ITGAX: variants seen among roughly 807,000 people sequenced by gnomAD.
ITGAX encodes the protein integrin alpha-X.
A neutral mutation model predicts 140.2 loss-of-function variants in ITGAX; 99 were observed. That is an observed-to-expected ratio of 0.71 (90% CI 0.60 to 0.83). The LOEUF (loss-of-function observed/expected upper bound fraction) is 0.83. Ranked by LOEUF, ITGAX falls within the 40% of genes least tolerant of loss-of-function variation. The pLI, the probability that ITGAX is intolerant of heterozygous loss-of-function variation, is 0.00. For synonymous variants in ITGAX, 631 were observed against 600.4 expected (o/e 1.05, Z -0.75); for missense variants, 1,444 against 1,482.0 (o/e 0.97, Z 0.42).
intron 9 of ITGAX, chr16:31,361,498 C>A: frequency 1.5e-6 from 1 of 671,080 alleles, no homozygotes; most frequent in Non-Finnish European, 2.7e-6. Flanking sequence ...ACCCAGGAGA[C>A]CCTTCCACCC....
Position 31,382,363 on chromosome 16 carries a change from A to G in ITGAX, c.*456A>G. Reference sequence around the variant, plus strand: ...CGGGTTCAAGTAATTCTGCTGTCTCAGCCTCCTGAGTAGCTGGGACTACAG... The same window carrying G: ...CGGGTTCAAGTAATTCTGCTGTCTCGGCCTCCTGAGTAGCTGGGACTACAG... On this transcript the variant is annotated 3_prime_UTR_variant, in exon 30 of 30. Transcript: ENST00000268296. 2.2e-6 allele frequency: 3 copies of G among 1,392,924 alleles called. No homozygotes were observed. The highest frequency in any genetic ancestry group is 2.9e-6 in the Non-Finnish European group (3 of 1,021,276). 86.3% of individuals were successfully genotyped at this position (1,392,924 alleles called of 1,614,324 possible). A position where few individuals can be genotyped will look rare whatever the true frequency, so the allele number is the denominator to read the frequency against.
At position 31,359,720 on chromosome 16, in the gene ITGAX, G is replaced by T. The variant is rs2080800541; in HGVS notation, c.451G>T (p.Asp151Tyr). Reference sequence around the variant, plus strand: ...CCCAGAGTGCCCAAGACAGGAGCAGGACATTGTGTTCCTGATCGATGGCTC... The same window carrying T: ...CCCAGAGTGCCCAAGACAGGAGCAGTACATTGTGTTCCTGATCGATGGCTC... ...SRQECPRQEQ[D>Y]IVFLIDGSGS... The change falls in exon 6 of 30, where the codon GAC (aspartate) becomes TAC (tyrosine). Residue 151 changes from aspartate to tyrosine, a missense_variant. Coordinates refer to ENST00000268296, the MANE Select transcript of ITGAX (RefSeq NM_000887.5). 6.2e-7 allele frequency: 1 copy of T among 1,614,204 alleles called. No homozygotes were observed. Among genetic ancestry groups the T allele is most frequent in the Non-Finnish European group, 8.5e-7 (1 of 1,180,046 alleles).
intron 14 of ITGAX, among the ~76,000 whole-genome samples, chr16:31,366,589 C>T (rs2080894917): frequency 6.6e-6 from 1 of 152,218 alleles, no homozygotes; most frequent in Admixed American, 6.5e-5. Flanking sequence ...GATCTTGGCT[C>T]ACTGAAACTT....
intron 14 of ITGAX, among the ~76,000 whole-genome samples, chr16:31,370,749 T>C (rs73536402): frequency 6.6e-6 from 1 of 152,190 alleles, no homozygotes; most frequent in Non-Finnish European, 1.5e-5. Flanking sequence ...TATCATTATA[T>C]GAAAGATGAG....
intron 23 of ITGAX, among the ~76,000 whole-genome samples, chr16:31,378,818 CT>C (rs11324230): frequency 0.59 from 80,479 of 137,564 alleles, 23,248 homozygotes; most frequent in East Asian, 0.74. Context: ...GACTCTCTCT[CT>C]TTTTTTTTTT....
chr16:31,363,968 G>A (rs925094769), intron 14 of ITGAX, among the ~76,000 whole-genome samples: 3 of 152,026 alleles, frequency 2.0e-5, no homozygotes, highest in South Asian at 2.1e-4. Context: ...CCTTCCACTC[G>A]CCCCTCTCCT....
chr16:31,375,178 G>T (rs2081008690), intron 20 of ITGAX, among the ~76,000 whole-genome samples: 1 of 152,160 alleles, frequency 6.6e-6, no homozygotes, highest in Non-Finnish European at 1.5e-5. Flanking sequence ...GCCACGCCCA[G>T]CTAAGTTTTG....
Position 31,380,075 on chromosome 16 carries a change from GCTCTGGGCTGGCCCTCA to G in ITGAX, c.3060+13_3060+29del, listed in dbSNP as rs2081054459. ...GAAGAATCCCGTGCTGGTGAGGAGG[GCTCTGGGCTGGCCCTCA>G]CTGTAGGCCCCACATCAGAGGAATT... is the stretch of plus-strand genomic sequence containing the variant. On this transcript the variant is annotated intron_variant, in intron 26 of 29. Coordinates refer to ENST00000268296, the MANE Select transcript of ITGAX (RefSeq NM_000887.5). 6.2e-7 allele frequency: 1 copy of G among 1,613,060 alleles called. No homozygotes were observed.
Position 31,362,224 on chromosome 16 carries a change from T to G in ITGAX, c.1216+20T>G. ...ACCTGGGTGAGAAACAGCCAGGGGT[T>G]GGGGACAGGTGGGAGATGCACTGCC... is the stretch of plus-strand genomic sequence containing the variant. On this transcript the variant is annotated intron_variant, in intron 11 of 29. Coordinates refer to ENST00000268296, the MANE Select transcript of ITGAX (RefSeq NM_000887.5). 1 of 1,601,450 alleles carries G rather than the reference T, an allele frequency of 6.2e-7. No individual in the cohort carries two copies. Among genetic ancestry groups the G allele is most frequent in the Non-Finnish European group, 8.5e-7 (1 of 1,173,864 alleles).
chr16:31,374,169 A>G (rs2080998645), intron 20 of ITGAX, among the ~76,000 whole-genome samples: 1 of 152,104 alleles, frequency 6.6e-6, no homozygotes, highest in African/African-American at 2.4e-5. Flanking sequence ...GGTGCCTGTG[A>G]TCCCAGCTAC....
In ITGAX at chr16:31,373,244, C is replaced by A; in HGVS notation, c.2367-5C>A. 7.0e-7 allele frequency: 1 copy of A among 1,419,424 alleles called. No individual in the cohort carries two copies. Among genetic ancestry groups the A allele is most frequent in the Non-Finnish European group, 9.5e-7 (1 of 1,056,034 alleles). The allele number at this position is 1,419,424 out of a possible 1,614,324, so 87.9% of individuals were successfully genotyped here. The stretch of plus-strand genomic sequence containing the variant: ...ATCTTCTCCTTTCCTTCACCTGATA[C>A]CCAGCTTGAAGTCCCTGCTGGTGGG... On this transcript the variant is annotated splice_region_variant and splice_polypyrimidine_tract_variant and intron_variant, in intron 19 of 29. Coordinates refer to ENST00000268296, the MANE Select transcript of ITGAX (RefSeq NM_000887.5).
At position 31,382,454 on chromosome 16, in the gene ITGAX, C is replaced by A. The variant is rs1020467626; in HGVS notation, c.*547C>A. On this transcript the variant is annotated 3_prime_UTR_variant, in exon 30 of 30. Transcript: ENST00000268296. ...GTTCTGAATATGCTGCTCATCCCCA[C>A]CTGTCTTCAACAGCTCCCCATTACC... The A allele has an allele frequency of 6.5e-7, 1 of 1,535,222 alleles. No individual in the cohort carries two copies. The highest frequency in any genetic ancestry group is 8.7e-7 in the Non-Finnish European group (1 of 1,146,202).
Position 31,355,972 on chromosome 16 carries a change from C to G in ITGAX, c.117C>G (p.Asp39Glu). 6.2e-7 allele frequency: 1 copy of G among 1,613,276 alleles called. No individual in the cohort carries two copies. Among genetic ancestry groups the G allele is most frequent in the Non-Finnish European group, 8.5e-7 (1 of 1,179,474 alleles). Reference sequence around the variant, plus strand: ...GTGTGGACAGCGCTGGGTTTGGAGACAGCGTGGTCCAGTATGCCAACTCCT... The same window carrying G: ...GTGTGGACAGCGCTGGGTTTGGAGAGAGCGTGGTCCAGTATGCCAACTCCT... Reference protein sequence around the residue: ...AFRVDSAGFGDSVVQYANSWV... With the variant: ...AFRVDSAGFGESVVQYANSWV... The change falls in exon 2 of 30, where the codon GAC (aspartate) becomes GAG (glutamate). Residue 39 changes from aspartate (D) to glutamate (E), a missense_variant. By Grantham distance (45) the Asp-to-Glu change is conservative (BLOSUM62 2). Transcript: ENST00000268296.
At position 31,357,032 on chromosome 16, in the gene ITGAX, G is replaced by A. The variant is rs976481471; in HGVS notation, c.249G>A (p.Val83=). The part of the protein sequence containing the change: ...TGACEPIGLQ[V]PPEAVNMSLG... ...CCATGCACATATCTGTCCCCACAGT[G>A]CCCCCGGAGGCCGTGAACATGTCCC... Residue 83 remains valine (V), a splice_region_variant and synonymous_variant, in exon 4 of 30, where the codon GTG becomes GTA. Transcript: ENST00000268296. The A allele has an allele frequency of 1.2e-6, 2 of 1,608,036 alleles. No homozygotes were observed. The highest frequency in any genetic ancestry group is 2.7e-5 in the African/African-American group (2 of 74,588).
Position 31,376,848 on chromosome 16 carries a change from T to C in ITGAX, c.2558T>C (p.Val853Ala), listed in dbSNP as rs1337874849. 12 of 1,614,238 alleles carry C rather than the reference T, an allele frequency of 7.4e-6. No homozygotes were observed. Among genetic ancestry groups the C allele is most frequent in the Admixed American group, 3.3e-5 (2 of 60,022 alleles). Residue 853 changes from valine to alanine, a missense_variant, in exon 21 of 30, where the codon GTT (valine) becomes GCT (alanine). By Grantham distance (64) the Val-to-Ala change is moderately conservative. Coordinates refer to ENST00000268296, the MANE Select transcript of ITGAX (RefSeq NM_000887.5). Reference sequence around the variant, plus strand: ...CACCTGACATGTGACAGCGCCCCAGTTGGGAGCCAGGGCACCTGGAGCACC... The same window carrying C: ...CACCTGACATGTGACAGCGCCCCAGCTGGGAGCCAGGGCACCTGGAGCACC... The part of the protein sequence containing the change: ...SLHLTCDSAP[V>A]GSQGTWSTSC...
At chr16:31,359,857 TG>T (rs913982168) in intron 6 of ITGAX, 27 bp downstream of exon 6, 2 of 1,613,834 alleles carry the variant, frequency 1.2e-6, no homozygotes, top group African/African-American at 2.7e-5. Flanking sequence ...GGGAGGCTGC[TG>T]GGGGTGGGTG....
Position 31,380,327 on chromosome 16 carries a change from AG to A in ITGAX, c.3124del (p.Glu1042SerfsTer6). The A allele has an allele frequency of 6.2e-7, 1 of 1,614,166 alleles. No homozygotes were observed. Among genetic ancestry groups the A allele is most frequent in the Non-Finnish European group, 8.5e-7 (1 of 1,180,038 alleles). On this transcript the variant is annotated frameshift_variant, in exon 27 of 30. Transcript: ENST00000268296. LOFTEE classifies it high-confidence loss of function. ...RCDVPSFSVQ[E>X]ELDFTLKGNL... ...GACGTCCCCTCCTTCAGCGTCCAGG[AG>A]GAGCTGGATTTCACCCTGAAGGGCA...
intron 23 of ITGAX, 55 bp from the exon 24 acceptor site, chr16:31,379,513 C>T: frequency 6.6e-7 from 1 of 1,514,140 alleles, no homozygotes; most frequent in Non-Finnish European, 9.0e-7. Context: ...TAGCCAATGC[C>T]TTCTGCAGAT....
chr16:31,376,463 T>G lies in ITGAX; in HGVS notation c.2509-336T>G, dbSNP rs139313917. On this transcript the variant is annotated intron_variant, in intron 20 of 29. Coordinates refer to ENST00000268296, the MANE Select transcript of ITGAX (RefSeq NM_000887.5). Reference sequence around the variant, plus strand: ...TAGCGAGGTCCCATTTATAAAAAAATTTTTTTAAAATTAGCCAGGCATGGT... The same window carrying G: ...TAGCGAGGTCCCATTTATAAAAAAAGTTTTTTAAAATTAGCCAGGCATGGT... Among the ~76,000 whole-genome samples the G allele has an allele frequency of 4.5e-3, 691 of 152,090 alleles. 7 individuals carry two copies. Among genetic ancestry groups the G allele is most frequent in the Non-Finnish European group, 7.6e-3 (519 of 67,998 alleles).
Sources: gnomAD v4.1 joint callset for allele counts (sites outside exome capture counted in the v4.1 genomes callset) on GRCh38, gnomAD v4.1.1 for gene constraint, MANE v1.5 for transcripts, NCBI Gene and HGNC (gene_info 2026-07-23, HGNC 2026-07-21) for gene names.